The following UBE2E3 variants were observed in gnomAD, a reference collection of about 807,000 sequenced individuals.
UBE2E3 encodes the protein ubiquitin conjugating enzyme E2 E3, also known as ubiquitin-conjugating enzyme E2 E3.
Under a neutral mutation model 23.6 loss-of-function variants are expected in UBE2E3, and 5 were observed. That is an observed-to-expected ratio of 0.21 (90% confidence interval 0.11 to 0.44). The LOEUF is 0.44. Among genes scored for constraint, UBE2E3 ranks in the 20% least tolerant of loss-of-function variants. The pLI is 0.99. For missense variants in UBE2E3, 81 were observed against 249.8 expected (o/e 0.32, Z 4.55); for synonymous variants, 78 against 87.5 (o/e 0.89, Z 0.60).
At chr2:181,017,867 G>A (rs758345475) in intron 3 of UBE2E3, among the ~76,000 whole-genome samples, 1 of 150,784 alleles carries the variant, frequency 6.6e-6, no homozygotes, top group Non-Finnish European at 1.5e-5. Flanking sequence ...AGTGATTGAC[G>A]AGGGCCCTGT....
intron 3 of UBE2E3, among the ~76,000 whole-genome samples, chr2:181,026,480 A>G (rs1010549638): frequency 9.9e-4 from 146 of 147,988 alleles, no homozygotes; most frequent in African/African-American, 3.5e-3. Flanking sequence ...TGTGTATTGT[A>G]TTTTCTGTCA....
intron 3 of UBE2E3, among the ~76,000 whole-genome samples, chr2:180,997,908 G>A (rs1187837018): frequency 6.6e-6 from 1 of 151,996 alleles, no homozygotes; most frequent in Non-Finnish European, 1.5e-5. Flanking sequence ...AGAGACATTT[G>A]TACTACTAAT....
intron 3 of UBE2E3, among the ~76,000 whole-genome samples, chr2:181,002,653 TTAA>T (rs1338010844): frequency 6.6e-5 from 10 of 152,148 alleles, no homozygotes; most frequent in African/African-American, 2.2e-4. Flanking sequence ...AATATAAAAA[TTAA>T]TGAGATATTT....
chr2:181,007,188 G>C (rs1338195980), intron 3 of UBE2E3, among the ~76,000 whole-genome samples: 3 of 152,150 alleles, frequency 2.0e-5, no homozygotes, highest in Non-Finnish European at 4.4e-5. Context: ...GGATAAATCA[G>C]ATCTTAATGC....
intron 3 of UBE2E3, among the ~76,000 whole-genome samples, chr2:181,021,570 TCCTC>T (rs1201581086): frequency 1.3e-5 from 1 of 76,224 alleles, no homozygotes; most frequent in Non-Finnish European, 2.5e-5. Flanking sequence ...CTTCCTTCCT[TCCTC>T]CCTCCCTCCC....
At chr2:181,033,091 A>C (rs1219373603) in intron 3 of UBE2E3, among the ~76,000 whole-genome samples, 2 of 152,234 alleles carry the variant, frequency 1.3e-5, no homozygotes, top group Admixed American at 6.5e-5. Flanking sequence ...TATTGTAAAA[A>C]CGGCCATACT....
At chr2:181,040,614 A>G (rs573120840) in intron 3 of UBE2E3, among the ~76,000 whole-genome samples, 6 of 152,340 alleles carry the variant, frequency 3.9e-5, no homozygotes, top group African/African-American at 1.4e-4. Context: ...TCTATTTAGT[A>G]TAAGGTATAC....
At chr2:181,029,606 A>G (rs1324638570) in intron 3 of UBE2E3, among the ~76,000 whole-genome samples, 1 of 147,320 alleles carries the variant, frequency 6.8e-6, no homozygotes, top group African/African-American at 2.5e-5. Flanking sequence ...GTTCTTTTTA[A>G]TTCTAATAAT....
rs562006556 is a variant in UBE2E3, at chr2:181,037,145, A to G, written c.246-20548A>G. Among the ~76,000 whole-genome samples the G allele has an allele frequency of 7.2e-5, 11 of 152,340 alleles. 1 individual carries two copies. In the South Asian group the frequency reaches 1.9e-3, roughly 26 times the overall value. ...TCATCGTAGCATCGTCAGACAGTGC[A>G]TTACTCACATGTTTGTGGTGATGCT... On this transcript the variant is annotated intron_variant, in intron 3 of 5. Coordinates refer to ENST00000410062, the MANE Select transcript of UBE2E3 (RefSeq NM_006357.4).
intron 3 of UBE2E3, among the ~76,000 whole-genome samples, chr2:181,008,379 G>T (rs1400279342): frequency 6.6e-6 from 1 of 152,334 alleles, no homozygotes; most frequent in Admixed American, 6.5e-5. Flanking sequence ...GGATCACATG[G>T]TTGGTAAAAG....
At chr2:181,007,899 A>C (rs763266111) in intron 3 of UBE2E3, among the ~76,000 whole-genome samples, 31 of 152,376 alleles carry the variant, frequency 2.0e-4, no homozygotes, top group South Asian at 6.2e-4. Flanking sequence ...AAATAGCCAC[A>C]GCTAACATTT....
chr2:181,004,013 C>CA (rs1281181069), intron 3 of UBE2E3, among the ~76,000 whole-genome samples: 4 of 152,180 alleles, frequency 2.6e-5, no homozygotes, highest in Admixed American at 2.6e-4. Flanking sequence ...GACTGAAGGT[C>CA]ATGCTCTTCA....
At chr2:181,031,003 A>G (rs1686061693) in intron 3 of UBE2E3, among the ~76,000 whole-genome samples, 1 of 152,074 alleles carries the variant, frequency 6.6e-6, no homozygotes, top group Admixed American at 6.6e-5. Context: ...TACTTGAGCT[A>G]ATTTTGCTGT....
rs1685662180 is a variant in UBE2E3 at position 181,021,322 on chromosome 2, T to G, written c.246-36371T>G. Among the ~76,000 whole-genome samples the G allele has an allele frequency of 3.3e-5, 5 of 151,992 alleles. No individual in the cohort carries two copies. In the South Asian group the frequency reaches 1.0e-3, roughly 32 times the overall value. ...GAGTGTTAAAAATTGATTATCCAGA[T>G]AACCTCACCATTACAGTGTTTCTTC... On this transcript the variant is annotated intron_variant, in intron 3 of 5. Transcript: ENST00000410062.
chr2:181,044,164 G>C (rs908102500), intron 3 of UBE2E3, among the ~76,000 whole-genome samples: 3 of 152,052 alleles, frequency 2.0e-5, no homozygotes, highest in African/African-American at 7.2e-5. Context: ...TACAATTTCT[G>C]GTCTTTGGTA....
chr2:181,025,279 C>T (rs546693707), intron 3 of UBE2E3, among the ~76,000 whole-genome samples: 49 of 152,058 alleles, frequency 3.2e-4, no homozygotes, highest in African/African-American at 1.1e-3. Context: ...AAACCTTGCT[C>T]TTAACATTTA....
intron 3 of UBE2E3, among the ~76,000 whole-genome samples, chr2:181,011,536 C>G (rs947246802): frequency 2.0e-5 from 3 of 152,118 alleles, no homozygotes; most frequent in Non-Finnish European, 2.9e-5. Context: ...AAGTCCAGTA[C>G]TCTTCCCAGT....
At chr2:180,997,407 C>T (rs900955334) in intron 3 of UBE2E3, among the ~76,000 whole-genome samples, 10 of 151,536 alleles carry the variant, frequency 6.6e-5, no homozygotes, top group South Asian at 6.3e-4. Context: ...GTTTTGTATG[C>T]GCATGTTCTC....
intron 3 of UBE2E3, among the ~76,000 whole-genome samples, chr2:181,030,342 C>T (rs1686037356): frequency 6.6e-6 from 1 of 151,916 alleles, no homozygotes; most frequent in South Asian, 2.1e-4. Flanking sequence ...GAGACGGAGT[C>T]TTGCTCTGTC....
Sources: allele counts gnomAD v4.1 joint callset (sites outside exome capture counted in the v4.1 genomes callset), GRCh38; gene constraint gnomAD v4.1.1; transcripts MANE v1.5; gene names NCBI Gene and HGNC (gene_info 2026-07-23, HGNC 2026-07-21).